Variants in RGS6 observed in about 807,000 individuals in gnomAD.
RGS6 encodes the protein regulator of G-protein signaling 6.
Under a neutral mutation model 78.5 loss-of-function variants are expected in RGS6, and 30 were observed. The observed-to-expected ratio is 0.38, with a 90% CI of 0.29 to 0.52. The LOEUF (loss-of-function observed/expected upper bound fraction) is 0.52, where lower values mean the gene tolerates loss of function less well. RGS6 is among the 20% of genes least tolerant of loss of function. The pLI is 0.85. For synonymous variants in RGS6, 206 were observed against 206.0 expected (o/e 1.00, Z 0.00); for missense variants, 495 against 609.7 (o/e 0.81, Z 1.98).
intron 2 of RGS6, among the ~76,000 whole-genome samples, chr14:72,145,914 A>G (rs2096601145): frequency 6.6e-6 from 1 of 152,258 alleles, no homozygotes; most frequent in Non-Finnish European, 1.5e-5. Flanking sequence ...AGGGAAGATT[A>G]AAGGATTAAG....
At chr14:71,991,475 T>G (rs1415335332) in intron 2 of RGS6, among the ~76,000 whole-genome samples, 1 of 152,226 alleles carries the variant, frequency 6.6e-6, no homozygotes, top group Non-Finnish European at 1.5e-5. Context: ...GTATTTGCCC[T>G]CTGTGTCTCA....
At chr14:72,520,206 C>T (rs2097016493) in intron 15 of RGS6, among the ~76,000 whole-genome samples, 1 of 152,122 alleles carries the variant, frequency 6.6e-6, no homozygotes, top group South Asian at 2.1e-4. Flanking sequence ...CCTTTATCTC[C>T]CTCCCTTCCT....
chr14:72,397,731 C>T (rs1223335674), intron 3 of RGS6, among the ~76,000 whole-genome samples: 1 of 152,150 alleles, frequency 6.6e-6, no homozygotes, highest in African/African-American at 2.4e-5. Context: ...CCCATCAATA[C>T]CTAATTTATT....
intron 3 of RGS6, among the ~76,000 whole-genome samples, chr14:72,379,368 A>T (rs2085491494): frequency 6.6e-6 from 1 of 152,154 alleles, no homozygotes; most frequent in Non-Finnish European, 1.5e-5. Context: ...GGGCATCCAA[A>T]TTGGAAAGGA....
At chr14:72,626,145 T>A in the RGS6 span, among the ~76,000 whole-genome samples, 2 of 152,318 alleles carry the variant, frequency 1.3e-5, no homozygotes, top group East Asian at 1.9e-4. Flanking sequence ...TTTCCCTACA[T>A]CTTGGTTGAT....
intron 14 of RGS6, among the ~76,000 whole-genome samples, chr14:72,512,194 G>A (rs1263575762): frequency 6.6e-6 from 1 of 152,136 alleles, no homozygotes; most frequent in Non-Finnish European, 1.5e-5. Flanking sequence ...CCCGTAAGTA[G>A]CCTCAGGACC....
intron 2 of RGS6, among the ~76,000 whole-genome samples, chr14:71,988,707 C>T (rs1391936448): frequency 6.6e-6 from 1 of 152,120 alleles, no homozygotes; most frequent in Non-Finnish European, 1.5e-5. Flanking sequence ...ACTGAAAAAG[C>T]ATCGGCAAAT....
At chr14:71,999,229 G>A (rs1244215003) in intron 2 of RGS6, among the ~76,000 whole-genome samples, 1 of 152,182 alleles carries the variant, frequency 6.6e-6, no homozygotes, top group Non-Finnish European at 1.5e-5. Flanking sequence ...CAGTCGAAGT[G>A]AAAATAAGTC....
intron 12 of RGS6, among the ~76,000 whole-genome samples, chr14:72,480,255 G>A (rs1566948130): frequency 6.6e-6 from 1 of 152,228 alleles, no homozygotes; most frequent in Non-Finnish European, 1.5e-5. Flanking sequence ...TTGGGATGCA[G>A]AGAAAGAGCC....
At chr14:72,559,056 T>G (rs2097631891) in intron 17 of RGS6, among the ~76,000 whole-genome samples, 1 of 152,166 alleles carries the variant, frequency 6.6e-6, no homozygotes, top group Non-Finnish European at 1.5e-5. Flanking sequence ...CCTCTGTAAC[T>G]ATGCAAATGC....
chr14:72,537,780 C>G, intron 16 of RGS6: 1 of 558,400 alleles, frequency 1.8e-6, no homozygotes, highest in Non-Finnish European at 3.2e-6. Context: ...TGGTGACTTT[C>G]TAAGGCTCTG....
chr14:72,465,455 A>G (rs1368717136), intron 6 of RGS6, among the ~76,000 whole-genome samples: 1 of 45,380 alleles, frequency 2.2e-5, no homozygotes, highest in Admixed American at 2.7e-4. Flanking sequence ...TAGAAAACAT[A>G]TTTTTCCCAG....
At chr14:72,544,373 G>A (rs1334297976) in intron 17 of RGS6, among the ~76,000 whole-genome samples, 1 of 152,134 alleles carries the variant, frequency 6.6e-6, no homozygotes, top group Non-Finnish European at 1.5e-5. Flanking sequence ...AGCCTCCCTG[G>A]GTACCTTTGG....
rs564565884 is a variant in RGS6, at chr14:72,449,056, T to G, written c.185-5472T>G. Among the ~76,000 whole-genome samples the G allele has an allele frequency of 3.3e-5, 5 of 152,280 alleles. No individual in the cohort carries two copies. In the East Asian group the frequency reaches 9.6e-4, roughly 29 times the overall value. On this transcript the variant is annotated intron_variant, in intron 3 of 17. Coordinates refer to ENST00000553525, the MANE Select transcript of RGS6 (RefSeq NM_001204424.2). ...CATTGGCCTGTGCATGACATCTATG[T>G]GATAAGGTGGCCTGAAGCTGTCCTC...
chr14:72,462,329 A>C (rs1344998431), intron 6 of RGS6, among the ~76,000 whole-genome samples: 3 of 152,162 alleles, frequency 2.0e-5, no homozygotes, highest in Admixed American at 6.5e-5. Flanking sequence ...CAGGTTTATA[A>C]AAAGGCCTTG....
rs1251515910 is a variant in RGS6 at position 72,383,405 on chromosome 14, G to A, written c.184+31211G>A. Among the ~76,000 whole-genome samples the A allele has an allele frequency of 1.3e-5, 2 of 151,874 alleles. 1 individual carries two copies. Among genetic ancestry groups the A allele is most frequent in the African/African-American group, 4.8e-5 (2 of 41,374 alleles). Reference sequence around the variant, plus strand: ...CTAACTGGGCTTTTAGTAGACAGGAGACGATTGAACATTATTCCATCTTAT... The same window carrying A: ...CTAACTGGGCTTTTAGTAGACAGGAAACGATTGAACATTATTCCATCTTAT... On this transcript the variant is annotated intron_variant, in intron 3 of 17. Transcript: ENST00000553525.
chr14:72,554,995 G>A (rs562056216), intron 17 of RGS6, among the ~76,000 whole-genome samples: 1 of 152,352 alleles, frequency 6.6e-6, no homozygotes, highest in Admixed American at 6.5e-5. Context: ...CTGACAGGCA[G>A]AAGAAAGTGA....
At chr14:71,939,693 G>A (rs1005657049) in intron 1 of RGS6, among the ~76,000 whole-genome samples, 1 of 152,202 alleles carries the variant, frequency 6.6e-6, no homozygotes, top group Non-Finnish European at 1.5e-5. Flanking sequence ...GCTGCAATTG[G>A]CATCACCACT....
At chr14:72,162,952 A>G (rs183750681) in intron 2 of RGS6, among the ~76,000 whole-genome samples, 105 of 152,342 alleles carry the variant, frequency 6.9e-4, no homozygotes, top group Non-Finnish European at 1.2e-3. Context: ...TCAGGAATGG[A>G]AACCCAAACA....
Sources: gnomAD v4.1 joint callset for allele counts (sites outside exome capture counted in the v4.1 genomes callset) on GRCh38, gnomAD v4.1.1 for gene constraint, MANE v1.5 for transcripts, NCBI Gene and HGNC (gene_info 2026-07-23, HGNC 2026-07-21) for gene names.